Variants in C4orf51 observed in about 807,000 individuals in gnomAD.
C4orf51 encodes the protein chromosome 4 open reading frame 51.
In C4orf51, 25 loss-of-function variants were observed where a neutral mutation model predicts 25.2. The ratio of observed to expected loss-of-function variants is 0.99; its 90% confidence interval spans 0.72 to 1.39. The LOEUF (loss-of-function observed/expected upper bound fraction) is 1.39. Ranked by LOEUF, C4orf51 falls within the 40% of genes most tolerant of loss-of-function variation. The probability of loss-of-function intolerance (pLI) is 0.00; values close to 1 mark genes in which losing one functional copy is unlikely to be tolerated. For missense variants in C4orf51, 252 were observed against 239.6 expected (o/e 1.05, Z -0.34); for synonymous variants, 100 against 84.5 (o/e 1.18, Z -1.01).
At chr4:145,734,003 T>C (rs2126781318), downstream of C4orf51, among the ~76,000 whole-genome samples, 1 of 152,334 alleles carries the variant, frequency 6.6e-6, no homozygotes, top group East Asian at 1.9e-4. Context: ...CATTTGTTTT[T>C]TACTATACGC....
intron 1 of C4orf51, among the ~76,000 whole-genome samples, chr4:145,752,347 G>A (rs1264652470): frequency 6.6e-6 from 1 of 152,146 alleles, no homozygotes; most frequent in East Asian, 1.9e-4. Flanking sequence ...GGACCCAAGG[G>A]ATCTTTAGTC....
chr4:145,732,591 G>A lies in C4orf51; in HGVS notation c.*31G>A, dbSNP rs1732538253. ...AAAATGAAGCCACAAGGCTGGAGGCGTGGAGTTTGCTTAATAAACAACTTT... is the reference window on the plus strand; with the variant it reads ...AAAATGAAGCCACAAGGCTGGAGGCATGGAGTTTGCTTAATAAACAACTTT... On this transcript the variant is annotated 3_prime_UTR_variant, in exon 6 of 6. Transcript: ENST00000438731. The A allele has an allele frequency of 2.7e-6, 4 of 1,505,868 alleles. No homozygotes were observed. The highest frequency in any genetic ancestry group is 1.7e-5 in the Admixed American group (1 of 57,512). The allele number at this position is 1,505,868 out of a possible 1,614,324, so 93.3% of individuals were successfully genotyped here.
At chr4:145,785,158 C>T in the C4orf51 span, among the ~76,000 whole-genome samples, 4,412 of 152,222 alleles carry the variant, frequency 0.029, 204 homozygotes, top group African/African-American at 0.099. Flanking sequence ...GTAAGGAGAA[C>T]GATCTCATCT....
chr4:145,727,854 C>T (rs1379548678), intron 3 of C4orf51, among the ~76,000 whole-genome samples: 10 of 137,744 alleles, frequency 7.3e-5, no homozygotes, highest in African/African-American at 2.2e-4. Context: ...TGCACCGCAG[C>T]CTGGGCAACA....
At chr4:145,713,594 C>A (rs557877807) in intron 2 of C4orf51, among the ~76,000 whole-genome samples, 1 of 152,026 alleles carries the variant, frequency 6.6e-6, no homozygotes, top group Non-Finnish European at 1.5e-5. Flanking sequence ...TATGGATGAG[C>A]GAAGAAACTG....
At chr4:145,693,963 C>T (rs1222049893) in intron 1 of C4orf51, among the ~76,000 whole-genome samples, 7 of 135,922 alleles carry the variant, frequency 5.2e-5, no homozygotes, top group African/African-American at 1.7e-4. Context: ...GGCTGCCGGG[C>T]GGAGAGGCTC....
intron 1 of C4orf51, among the ~76,000 whole-genome samples, chr4:145,695,739 T>C (rs1560826570): frequency 6.6e-6 from 1 of 152,198 alleles, no homozygotes; most frequent in Admixed American, 6.5e-5. Context: ...TTATTCACAA[T>C]AGCAAAGACC....
chr4:145,718,750 C>G (rs968447824), intron 2 of C4orf51, among the ~76,000 whole-genome samples: 2 of 152,236 alleles, frequency 1.3e-5, no homozygotes, highest in African/African-American at 4.8e-5. Flanking sequence ...CACACCTTCT[C>G]CCACCTTTGC....
At chr4:145,768,629 C>G (rs976838946) in intron 1 of C4orf51, among the ~76,000 whole-genome samples, 1 of 151,200 alleles carries the variant, frequency 6.6e-6, no homozygotes, top group African/African-American at 2.4e-5. Context: ...GACTGTTCTC[C>G]AATTATCTTC....
the C4orf51 span, chr4:145,779,583 G>T: frequency 1.3e-6 from 2 of 1,554,504 alleles, no homozygotes; most frequent in South Asian, 2.5e-5. Context: ...CAACATTCAG[G>T]ATTTCAGCAG....
chr4:145,754,780 A>G (rs567618752), downstream of C4orf51, among the ~76,000 whole-genome samples: 59 of 152,288 alleles, frequency 3.9e-4, no homozygotes, highest in African/African-American at 1.2e-3. Flanking sequence ...ACTAAAAAAT[A>G]TAAAAATTAG....
intron 2 of C4orf51, among the ~76,000 whole-genome samples, chr4:145,719,616 C>A (rs60439652): frequency 0.038 from 5,434 of 141,364 alleles, 309 homozygotes; most frequent in African/African-American, 0.13. Flanking sequence ...AAAGCAGCAT[C>A]CTTTGAAAAA....
chr4:145,746,394 A>T (rs1733374699), intron 1 of C4orf51, among the ~76,000 whole-genome samples: 1 of 152,126 alleles, frequency 6.6e-6, no homozygotes, highest in Non-Finnish European at 1.5e-5. Context: ...TTTTGTATAT[A>T]GTGAGAAATA....
chr4:145,784,265 A>G, the C4orf51 span, among the ~76,000 whole-genome samples: 1 of 152,348 alleles, frequency 6.6e-6, no homozygotes, highest in East Asian at 1.9e-4. Context: ...GGCATTTCTC[A>G]GTAGCTGAGT....
intron 1 of C4orf51, among the ~76,000 whole-genome samples, chr4:145,682,429 A>G (rs1728896135): frequency 6.6e-6 from 1 of 152,226 alleles, no homozygotes; most frequent in Non-Finnish European, 1.5e-5. Flanking sequence ...CTATTTGATT[A>G]AAATTCCATA....
intron 1 of C4orf51, among the ~76,000 whole-genome samples, chr4:145,749,509 T>A (rs1010919768): frequency 1.3e-5 from 2 of 152,178 alleles, no homozygotes; most frequent in African/African-American, 4.8e-5. Context: ...GTCTTCGTTT[T>A]AGTGAAGGTG....
downstream of C4orf51, among the ~76,000 whole-genome samples, chr4:145,771,543 A>C (rs1006639506): frequency 6.6e-6 from 1 of 152,252 alleles, no homozygotes; most frequent in African/African-American, 2.4e-5. Context: ...AGTCACAAGC[A>C]CCAAAGGGGA....
intron 1 of C4orf51, among the ~76,000 whole-genome samples, chr4:145,682,956 C>T (rs774905782): frequency 4.6e-5 from 7 of 151,704 alleles, no homozygotes; most frequent in Non-Finnish European, 7.4e-5. Flanking sequence ...TCTTTGTTTG[C>T]AGATGACATT....
intron 2 of C4orf51, among the ~76,000 whole-genome samples, chr4:145,720,350 G>A (rs932069207): frequency 2.6e-5 from 4 of 152,166 alleles, no homozygotes; most frequent in South Asian, 2.1e-4. Context: ...CCAGAAATGG[G>A]GCCAACAGGA....
Sources: gnomAD v4.1 joint callset for allele counts (sites outside exome capture counted in the v4.1 genomes callset) on GRCh38, gnomAD v4.1.1 for gene constraint, MANE v1.5 for transcripts, NCBI Gene and HGNC (gene_info 2026-07-23, HGNC 2026-07-21) for gene names.